The following MUC5AC variants were observed in gnomAD, a reference collection of about 807,000 sequenced individuals.
The protein encoded by MUC5AC is mucin-5AC.
Under a neutral mutation model 169.7 loss-of-function variants are expected in MUC5AC, and 158 were observed. The observed-to-expected ratio is 0.93, with a 90% confidence interval of 0.82 to 1.06. MUC5AC has a LOEUF of 1.06. Ranked by LOEUF, MUC5AC falls within the 50% of genes least tolerant of loss-of-function variation. The pLI is 0.00. For synonymous variants in MUC5AC, 1,975 were observed against 1,237.0 expected (o/e 1.60, Z -12.52); for missense variants, 4,359 against 3,089.9 (o/e 1.41, Z -9.74).
At chr11:1,162,195 G>T in intron 4 of MUC5AC, 27 bp downstream of exon 4, 2 of 1,600,102 alleles carry the variant, frequency 1.2e-6, no homozygotes, top group Non-Finnish European at 8.5e-7. Context: ...GGATGGTGGG[G>T]GCCACGCGGC....
chr11:1,200,644 G>A lies in MUC5AC; in HGVS notation c.16907G>A (p.Ser5636Asn), dbSNP rs1590156786. The A allele has an allele frequency of 2.4e-5, 18 of 763,620 alleles. No individual in the cohort carries two copies. The East Asian group carries it at 4.4e-4, about 19-fold the overall frequency. 47.3% of individuals were successfully genotyped at this position (763,620 alleles called of 1,614,324 possible). Residue 5636 changes from serine to asparagine, a missense_variant, in exon 49 of 49, where the codon AGC (serine) becomes AAC (asparagine). Ser to Asn is a conservative substitution (Grantham distance 46). Coordinates refer to ENST00000621226, the MANE Select transcript of MUC5AC (RefSeq NM_001304359.2). ...TCGGAGGAGGCGGAACCCGAGCCCAGCCAGGAGGCAGAGAGTGGGAGCTGG... is the reference window on the plus strand; with the variant it reads ...TCGGAGGAGGCGGAACCCGAGCCCAACCAGGAGGCAGAGAGTGGGAGCTGG... ...QHSEEAEPEP[S>N]QEAESGSWER...
At chr11:1,198,730 A>T (rs898446848) in intron 43 of MUC5AC, 144 bp from the exon 44 acceptor site, 65 of 611,898 alleles carry the variant, frequency 1.1e-4, no homozygotes, top group Non-Finnish European at 1.9e-4. Flanking sequence ...ACCACGAGTC[A>T]CCCCAGGGGT....
Position 1,199,740 on chromosome 11 carries a change from C to CTG in MUC5AC, c.16561_16562insTG (p.Pro5521LeufsTer20), listed in dbSNP as rs1187726429. 1.4e-6 allele frequency: 1 copy of CTG among 711,314 alleles called. No homozygotes were observed. Among genetic ancestry groups the CTG allele is most frequent in the African/African-American group, 1.7e-5 (1 of 57,590 alleles). The allele number at this position is 711,314 out of a possible 1,614,324, so 44.1% of individuals were successfully genotyped here. ...GGACGGCTGCTGCCGCTTCTGCCCGCCGCCCCCGCCCCCGTACCAGAACCG... is the reference window on the plus strand; with the variant it reads ...GGACGGCTGCTGCCGCTTCTGCCCGCTGCGCCCCCGCCCCCGTACCAGAACCG... On this transcript the variant is annotated frameshift_variant, in exon 47 of 49. Transcript: ENST00000621226. LOFTEE classifies it high-confidence loss of function.
chr11:1,195,201 T>G lies in MUC5AC; in HGVS notation c.15380T>G (p.Val5127Gly), dbSNP rs1232912015. 1.3e-6 allele frequency: 1 copy of G among 759,336 alleles called. No individual in the cohort carries two copies. Among genetic ancestry groups the G allele is most frequent in the Non-Finnish European group, 2.4e-6 (1 of 415,126 alleles). 47.0% of individuals were successfully genotyped at this position (759,336 alleles called of 1,614,324 possible). The change falls in exon 36 of 49, where the codon GTT becomes GGT. Residue 5127 changes from valine (V) to glycine (G), a missense_variant. Physicochemically the swap from Val to Gly is moderately radical, Grantham distance 109. Transcript: ENST00000621226. ...VGSTTVGPTT[V>G]GSTTVGPTTP... ...TCTACCACGGTCGGGCCCACCACAGTTGGGTCTACCACGGTCGGGCCCACC... is the reference window on the plus strand; with the variant it reads ...TCTACCACGGTCGGGCCCACCACAGGTGGGTCTACCACGGTCGGGCCCACC...
chr11:1,169,971 TACTC>T (rs1476834439), intron 15 of MUC5AC, among the ~76,000 whole-genome samples: 27 of 36,612 alleles, frequency 7.4e-4, no homozygotes, highest in East Asian at 4.4e-3. Context: ...CCCACTCACC[TACTC>T]ACTCACCCAC....
chr11:1,189,754 G>GCA lies in MUC5AC; in HGVS notation c.11612_11613dup (p.Ile3872GlnfsTer140), dbSNP rs1861043736. The GCA allele has an allele frequency of 7.3e-5, 49 of 668,274 alleles. No homozygotes were observed. Among genetic ancestry groups the GCA allele is most frequent in the Non-Finnish European group, 1.1e-5 (4 of 366,568 alleles). The allele number at this position is 668,274 out of a possible 1,614,324, so 41.4% of individuals were successfully genotyped here. A position where few individuals can be genotyped will look rare whatever the true frequency, so the allele number is the denominator to read the frequency against. ...AGCACAACCTCTGCTCCTACAGCCA[G>GCA]CACAATCTCTGCCCCTACAACCAGC... On this transcript the variant is annotated frameshift_variant, in exon 31 of 49. Coordinates refer to ENST00000621226, the MANE Select transcript of MUC5AC (RefSeq NM_001304359.2). LOFTEE classifies it high-confidence loss of function.
At chr11:1,158,096 C>T (rs762862822) in intron 1 of MUC5AC, 24 bp downstream of exon 1, 1 of 1,578,184 alleles carries the variant, frequency 6.3e-7, no homozygotes, top group Non-Finnish European at 8.6e-7. Flanking sequence ...CCTGGCCGCT[C>T]TACTGGTCCT....
Position 1,199,680 on chromosome 11 carries a change from C to T in MUC5AC, c.16516-15C>T. ...CGAGCGCCTCGGCACTGAGGGCGCC[C>T]CTCTGTCGGCACAGGACGAGGCCCG... is the stretch of plus-strand genomic sequence containing the variant. On this transcript the variant is annotated splice_polypyrimidine_tract_variant and intron_variant, in intron 46 of 48. Coordinates refer to ENST00000621226, the MANE Select transcript of MUC5AC (RefSeq NM_001304359.2). 1.4e-6 allele frequency: 1 copy of T among 705,678 alleles called. No homozygotes were observed. Among genetic ancestry groups the T allele is most frequent in the Non-Finnish European group, 2.6e-6 (1 of 386,984 alleles). 43.7% of individuals were successfully genotyped at this position (705,678 alleles called of 1,614,324 possible).
rs1421863800 is a variant in MUC5AC, at chr11:1,183,864, A to G, written c.5719A>G (p.Lys1907Glu). The G allele has an allele frequency of 5.0e-5, 20 of 402,698 alleles. No individual in the cohort carries two copies. Among genetic ancestry groups the G allele is most frequent in the Non-Finnish European group, 8.2e-5 (19 of 230,796 alleles). The allele number at this position is 402,698 out of a possible 1,614,324, so 24.9% of individuals were successfully genotyped here. ...TGCCCCAGGTACCGCTACCTCTGTC[A>G]AAAAAACTTTCTCAACTCCCAGCCC... is the stretch of plus-strand genomic sequence containing the variant. ...TPAPGTATSV[K>E]KTFSTPSPPP... Residue 1907 changes from lysine to glutamate, a missense_variant, in exon 31 of 49, where the codon AAA (lysine) becomes GAA (glutamate). Lys to Glu is a moderately conservative substitution (Grantham distance 56, BLOSUM62 1). Transcript: ENST00000621226.
intron 15 of MUC5AC, among the ~76,000 whole-genome samples, chr11:1,169,985 CTCACCCAT>C (rs1212116249): frequency 4.1e-5 from 6 of 145,072 alleles, no homozygotes; most frequent in Non-Finnish European, 6.0e-5. Flanking sequence ...CACTCACCCA[CTCACCCAT>C]TCACCCATTC....
intron 1 of MUC5AC, among the ~76,000 whole-genome samples, chr11:1,159,730 G>T (rs1860077325): frequency 9.7e-6 from 1 of 103,050 alleles, no homozygotes; most frequent in Non-Finnish European, 2.1e-5. Flanking sequence ...TGCGGGGCTG[G>T]GGTCTGGTCC....
chr11:1,165,447 C>G, intron 10 of MUC5AC, 28 bp downstream of exon 10: 1 of 1,605,650 alleles, frequency 6.2e-7, no homozygotes, highest in Non-Finnish European at 8.5e-7. Context: ...TCCAGGCCAC[C>G]AAGGATGTGC....
At chr11:1,161,857 G>A (rs1271508861) in intron 3 of MUC5AC, 50 bp from the exon 4 acceptor site, 1 of 1,576,322 alleles carries the variant, frequency 6.3e-7, no homozygotes, top group African/African-American at 1.3e-5. Flanking sequence ...AGGGGGTGCA[G>A]GGCGAGGATG....
chr11:1,176,041 C>T (rs984351020), intron 19 of MUC5AC, 110 bp from the exon 20 acceptor site: 6,034 of 398,408 alleles, frequency 0.015, 70 homozygotes, highest in Non-Finnish European at 0.021. Flanking sequence ...CTCATGCACA[C>T]GCACCCACTC....
At chr11:1,179,951 C>T (rs1434921247) in intron 26 of MUC5AC, 71 bp from the exon 27 acceptor site, 1 of 398,254 alleles carries the variant, frequency 2.5e-6, no homozygotes, top group Non-Finnish European at 4.4e-6. Context: ...GGCTTTAGAA[C>T]AGCCCTGGGG....
chr11:1,168,045 C>T lies in MUC5AC; in HGVS notation c.1497+58C>T, dbSNP rs55697911. ...AGAGGGAAGGGGCCTGTCTCTTCTG[C>T]AAGTCACCTCTGCCCAAGCCCTTCA... On this transcript the variant is annotated intron_variant, in intron 12 of 48. Transcript: ENST00000621226. 3.7e-3 allele frequency: 5,249 copies of T among 1,404,784 alleles called. 18 individuals are homozygous for T. The highest frequency in any genetic ancestry group is 5.2e-3 in the Admixed American group (263 of 50,740). The allele number at this position is 1,404,784 out of a possible 1,614,324, so 87.0% of individuals were successfully genotyped here. A position where few individuals can be genotyped will look rare whatever the true frequency, so the allele number is the denominator to read the frequency against.
chr11:1,181,202 T>C lies in MUC5AC; in HGVS notation c.3820+20T>C, dbSNP rs1860808139. The C allele has an allele frequency of 5.0e-6, 2 of 398,624 alleles. No homozygotes were observed. The highest frequency in any genetic ancestry group is 7.1e-5 in the East Asian group (2 of 28,052). 24.7% of individuals were successfully genotyped at this position (398,624 alleles called of 1,614,324 possible). ...CTGAGGGTGAGCGGCCGGCAGCCCC[T>C]GGGGCTGGGGTCCGGGGGTCTCTGT... On this transcript the variant is annotated intron_variant, in intron 29 of 48. Coordinates refer to ENST00000621226, the MANE Select transcript of MUC5AC (RefSeq NM_001304359.2).
chr11:1,197,687 C>T lies in MUC5AC; in HGVS notation c.16033+48C>T, dbSNP rs779261929. 3.7e-5 allele frequency: 24 copies of T among 653,810 alleles called. 1 individual carries two copies. Among genetic ancestry groups the T allele is most frequent in the East Asian group, 2.7e-4 (10 of 36,590 alleles). 40.5% of individuals were successfully genotyped at this position (653,810 alleles called of 1,614,324 possible). On this transcript the variant is annotated intron_variant, in intron 41 of 48. Transcript: ENST00000621226. ...GGCATGGTGTGGCAGGCAGGTGACC[C>T]GGAGCCCACTCGGCCCGGACTTTGC...
Position 1,189,941 on chromosome 11 carries a change from G to C in MUC5AC, c.11796G>C (p.Lys3932Asn), listed in dbSNP as rs1388228856. The change falls in exon 31 of 49, where the codon AAG becomes AAC. Residue 3932 changes from lysine (K) to asparagine (N), a missense_variant. Lys to Asn is a moderately conservative substitution (Grantham distance 94). Transcript: ENST00000621226. Reference protein sequence around the residue: ...VPTTSTASVSKTSTSHVSVSK... With the variant: ...VPTTSTASVSNTSTSHVSVSK... ...CCACCAGCACAGCCTCTGTTTCAAA[G>C]ACCAGCACAAGCCATGTTTCTGTAT... is the stretch of plus-strand genomic sequence containing the variant. 2.4e-4 allele frequency: 184 copies of C among 764,974 alleles called. No homozygotes were observed. Among genetic ancestry groups the C allele is most frequent in the Middle Eastern group, 2.2e-4 (1 of 4,462 alleles). 47.4% of individuals were successfully genotyped at this position (764,974 alleles called of 1,614,324 possible).
Sources: gnomAD v4.1 joint callset for allele counts (sites outside exome capture counted in the v4.1 genomes callset) on GRCh38, gnomAD v4.1.1 for gene constraint, MANE v1.5 for transcripts, NCBI Gene and HGNC (gene_info 2026-07-23, HGNC 2026-07-21) for gene names.